The following AK9 variants were observed in gnomAD, a reference collection of about 807,000 sequenced individuals.
AK9 encodes the protein adenylate kinase 9, also known as adenylate kinase domain containing 1.
In AK9, 191 loss-of-function variants were observed where a neutral mutation model predicts 239.6. That is an observed-to-expected ratio of 0.80 (90% confidence interval 0.71 to 0.90). The LOEUF (loss-of-function observed/expected upper bound fraction) is 0.90. Ranked by LOEUF, AK9 falls within the 40% of genes least tolerant of loss-of-function variation. AK9 has a pLI of 0.00. For synonymous variants in AK9, 689 were observed against 721.0 expected (o/e 0.96, Z 0.71); for missense variants, 1,995 against 2,214.7 (o/e 0.90, Z 1.99).
At position 109,564,815 on chromosome 6, in the gene AK9, T is replaced by C; in HGVS notation, c.2375A>G (p.Glu792Gly). The C allele has an allele frequency of 6.5e-7, 1 of 1,546,700 alleles. No homozygotes were observed. The highest frequency in any genetic ancestry group is 1.2e-5 in the South Asian group (1 of 82,876). ...TTTGGATCCTTTTGGGATTTCTGTTTCCACTGTAGTTTCCTCGATAGGCTC... is the reference window on the plus strand; with the variant it reads ...TTTGGATCCTTTTGGGATTTCTGTTCCCACTGTAGTTTCCTCGATAGGCTC... ...VSEPIEETTV[E>G]TEIPKGSKEG... Residue 792 changes from glutamate to glycine, a missense_variant, in exon 22 of 41, where the codon GAA becomes GGA. Glu to Gly is a moderately conservative substitution (Grantham distance 98, BLOSUM62 -2). Coordinates refer to ENST00000424296, the MANE Select transcript of AK9 (RefSeq NM_001145128.3).
At chr6:109,564,956 C>A (rs10872047) in intron 21 of AK9, 111 bp from the exon 22 acceptor site, 1 of 730,976 alleles carries the variant, frequency 1.4e-6, no homozygotes, top group Non-Finnish European at 2.1e-6. Context: ...ATATGAAATG[C>A]CTAATAGAAA....
At chr6:109,629,465 C>A (rs575897101) in intron 12 of AK9, among the ~76,000 whole-genome samples, 1 of 152,052 alleles carries the variant, frequency 6.6e-6, no homozygotes, top group Non-Finnish European at 1.5e-5. Flanking sequence ...GGGCCAGCAA[C>A]ATTTGAGACT....
intron 5 of AK9, among the ~76,000 whole-genome samples, chr6:109,670,745 A>G (rs1224368706): frequency 1.3e-5 from 2 of 152,072 alleles, no homozygotes; most frequent in East Asian, 1.9e-4. Context: ...TTCAAATACT[A>G]TGTTTTCTGA....
chr6:109,614,749 G>A (rs1308267129), intron 13 of AK9, among the ~76,000 whole-genome samples: 1 of 152,114 alleles, frequency 6.6e-6, no homozygotes, highest in African/African-American at 2.4e-5. Flanking sequence ...CTGGCACACA[G>A]GAAGGCTGTT....
intron 12 of AK9, among the ~76,000 whole-genome samples, chr6:109,625,789 G>C (rs1320127395): frequency 6.6e-6 from 1 of 152,158 alleles, no homozygotes; most frequent in Non-Finnish European, 1.5e-5. Flanking sequence ...GATGTGTGTA[G>C]GTGTGGTTTT....
At chr6:109,607,919 C>T (rs116209314) in intron 17 of AK9, among the ~76,000 whole-genome samples, 59 of 151,920 alleles carry the variant, frequency 3.9e-4, no homozygotes, top group Middle Eastern at 3.4e-3. Flanking sequence ...CAGAGAAGGA[C>T]GCAATGACAG....
intron 27 of AK9, among the ~76,000 whole-genome samples, chr6:109,536,488 T>C (rs1782010928): frequency 6.6e-6 from 1 of 152,228 alleles, no homozygotes; most frequent in South Asian, 2.1e-4. Flanking sequence ...GCTTATCAGC[T>C]TAAGGAGATT....
At chr6:109,645,802 C>A (rs1797984526) in intron 8 of AK9, among the ~76,000 whole-genome samples, 2 of 152,212 alleles carry the variant, frequency 1.3e-5, no homozygotes, top group South Asian at 4.1e-4. Context: ...AGACACCTCC[C>A]AGTAGGGGCT....
intron 24 of AK9, among the ~76,000 whole-genome samples, chr6:109,555,029 T>G (rs945315992): frequency 6.6e-6 from 1 of 152,232 alleles, no homozygotes; most frequent in African/African-American, 2.4e-5. Flanking sequence ...TTCTCTTATC[T>G]TAGTTATTTC....
chr6:109,542,275 T>G (rs1782999101), intron 26 of AK9, 104 bp from the exon 27 acceptor site: 1 of 1,133,096 alleles, frequency 8.8e-7, no homozygotes, highest in Non-Finnish European at 1.2e-6. Context: ...CTCATGGAGG[T>G]GGAGAGTAGA....
At chr6:109,628,443 A>G (rs1333828006) in intron 12 of AK9, among the ~76,000 whole-genome samples, 1 of 152,174 alleles carries the variant, frequency 6.6e-6, no homozygotes, top group Non-Finnish European at 1.5e-5. Context: ...CTGTCAGGAA[A>G]CTGTCCCTAT....
In AK9 at chr6:109,606,571, A is replaced by G. The variant is rs572492981; in HGVS notation, c.1842+3794T>C. On this transcript the variant is annotated intron_variant, in intron 17 of 40. Coordinates refer to ENST00000424296, the MANE Select transcript of AK9 (RefSeq NM_001145128.3). ...GTCATGAGCTTCCACTGCAAAACAC[A>G]GAGTGGCAGGTTTGACACAAAAGGC... 2.0e-5 allele frequency among the ~76,000 whole-genome samples: 3 copies of G among 152,358 alleles called. No homozygotes were observed. In the East Asian group the frequency reaches 5.8e-4, roughly 29 times the overall value.
intron 27 of AK9, among the ~76,000 whole-genome samples, chr6:109,536,815 G>C (rs1782063850): frequency 6.6e-6 from 1 of 152,074 alleles, no homozygotes; most frequent in South Asian, 2.1e-4. Flanking sequence ...TAGCATGAAG[G>C]GCTGTTGAAT....
chr6:109,577,868 C>G (rs1183485197), intron 20 of AK9, among the ~76,000 whole-genome samples: 2 of 146,890 alleles, frequency 1.4e-5, no homozygotes, highest in African/African-American at 5.0e-5. Flanking sequence ...TTCTTTCTTT[C>G]TTTTTCTTTC....
intron 8 of AK9, among the ~76,000 whole-genome samples, chr6:109,646,597 C>T (rs947644973): frequency 6.6e-6 from 1 of 152,060 alleles, no homozygotes; most frequent in Non-Finnish European, 1.5e-5. Flanking sequence ...TGTGAAAAGA[C>T]CAAACCTAAG....
At chr6:109,502,982 T>C (rs1777744020) in intron 35 of AK9, among the ~76,000 whole-genome samples, 1 of 149,878 alleles carries the variant, frequency 6.7e-6, no homozygotes, top group Non-Finnish European at 1.5e-5. Flanking sequence ...TGTGTGTGTG[T>C]GTGTGTGTAT....
intron 27 of AK9, among the ~76,000 whole-genome samples, chr6:109,539,805 T>C (rs1332709177): frequency 6.6e-6 from 1 of 152,184 alleles, no homozygotes; most frequent in Non-Finnish European, 1.5e-5. Context: ...TTCTGTTTGT[T>C]AGTTTTCCTT....
rs901723656 is a variant in AK9, at chr6:109,512,522, G to A, written c.4279+1702C>T. On this transcript the variant is annotated intron_variant, in intron 32 of 40. Coordinates refer to ENST00000424296, the MANE Select transcript of AK9 (RefSeq NM_001145128.3). ...AGGTTTGGTTCTGGACCCCTTTCCT[G>A]TAACAATTATAGACTCTTTTGTCAT... Among the ~76,000 whole-genome samples, 6 of 152,072 alleles carry A rather than the reference G, an allele frequency of 3.9e-5. No individual in the cohort carries two copies. In the East Asian group the frequency reaches 1.2e-3, roughly 29 times the overall value.
chr6:109,639,276 A>G (rs1797102715), intron 10 of AK9, among the ~76,000 whole-genome samples: 1 of 152,196 alleles, frequency 6.6e-6, no homozygotes, highest in Admixed American at 6.5e-5. Flanking sequence ...CAACGGTGTA[A>G]AAGTGTTCCT....
Sources: allele counts gnomAD v4.1 joint callset (sites outside exome capture counted in the v4.1 genomes callset), GRCh38; gene constraint gnomAD v4.1.1; transcripts MANE v1.5; gene names NCBI Gene and HGNC (gene_info 2026-07-23, HGNC 2026-07-21).